RAB38: variants seen among roughly 807,000 people sequenced by gnomAD.
The protein encoded by RAB38 is RAB38, member RAS oncogene family, also known as ras-related protein Rab-38.
RAB38 carries 15 observed loss-of-function variants against 18.4 expected under a neutral mutation model. The observed-to-expected ratio is 0.82, with a 90% confidence interval of 0.55 to 1.26. The LOEUF (loss-of-function observed/expected upper bound fraction) is 1.26. Ranked by LOEUF, RAB38 falls within the 50% of genes most tolerant of loss-of-function variation. RAB38 has a pLI of 0.00. For synonymous variants in RAB38, 101 were observed against 104.4 expected (o/e 0.97, Z 0.20); for missense variants, 294 against 267.4 (o/e 1.10, Z -0.69).
At chr11:87,852,684 G>C in the RAB38 span, among the ~76,000 whole-genome samples, 1 of 151,974 alleles carries the variant, frequency 6.6e-6, no homozygotes, top group African/African-American at 2.4e-5. Context: ...CTTCATCACA[G>C]GATTAAAACT....
At chr11:87,834,645 CA>C in the RAB38 span, among the ~76,000 whole-genome samples, 1 of 152,046 alleles carries the variant, frequency 6.6e-6, no homozygotes, top group Non-Finnish European at 1.5e-5. Flanking sequence ...ATTTAGAGCT[CA>C]AAAGTTCTTT....
chr11:87,857,547 G>A, the RAB38 span, among the ~76,000 whole-genome samples: 43 of 152,096 alleles, frequency 2.8e-4, no homozygotes, highest in African/African-American at 9.2e-4. Context: ...CTTTTTAATG[G>A]TCACCATTCT....
At chr11:87,861,263 G>T in the RAB38 span, among the ~76,000 whole-genome samples, 3 of 151,902 alleles carry the variant, frequency 2.0e-5, no homozygotes, top group Non-Finnish European at 2.9e-5. Flanking sequence ...GTTGGTTCAG[G>T]TTACACAGTT....
the RAB38 span, chr11:88,061,707 CA>C: frequency 2.0e-5 from 3 of 151,850 alleles, no homozygotes; most frequent in Non-Finnish European, 4.4e-5. Flanking sequence ...GAACTCGGTT[CA>C]GCACAGGTGT....
At chr11:88,047,073 C>G in the RAB38 span, among the ~76,000 whole-genome samples, 31 of 152,178 alleles carry the variant, frequency 2.0e-4, no homozygotes, top group South Asian at 5.2e-3. Context: ...TTTTAGAGGC[C>G]CTTAAAATCA....
At chr11:88,039,078 A>G in the RAB38 span, among the ~76,000 whole-genome samples, 1 of 152,176 alleles carries the variant, frequency 6.6e-6, no homozygotes, top group Non-Finnish European at 1.5e-5. Flanking sequence ...AATGGCAGTG[A>G]ATACTTGAGC....
chr11:87,964,302 G>A, the RAB38 span, among the ~76,000 whole-genome samples: 3 of 152,126 alleles, frequency 2.0e-5, no homozygotes, highest in African/African-American at 4.8e-5. Context: ...AGGAACTCCA[G>A]TGTGATATTC....
the RAB38 span, among the ~76,000 whole-genome samples, chr11:87,804,309 A>G: frequency 1.3e-5 from 2 of 151,834 alleles, no homozygotes; most frequent in African/African-American, 4.8e-5. Context: ...CCTAGCATTA[A>G]CTAGATCAAG....
chr11:87,871,686 T>C, the RAB38 span, among the ~76,000 whole-genome samples: 1 of 151,640 alleles, frequency 6.6e-6, no homozygotes, highest in African/African-American at 2.4e-5. Context: ...TCCTAGCTAC[T>C]ACATTTTCCC....
At chr11:88,118,486 C>T (rs1232328024) in intron 2 of RAB38, among the ~76,000 whole-genome samples, 2 of 152,200 alleles carry the variant, frequency 1.3e-5, no homozygotes, top group African/African-American at 4.8e-5. Flanking sequence ...CAAATAGACA[C>T]AGTGAAGCCC....
chr11:88,106,689 T>C, the RAB38 span, among the ~76,000 whole-genome samples: 7 of 152,294 alleles, frequency 4.6e-5, 1 homozygote, highest in East Asian at 3.9e-4. Context: ...GACTCATCAA[T>C]GCAGTGAACA....
At chr11:88,051,786 C>G in the RAB38 span, among the ~76,000 whole-genome samples, 1 of 152,038 alleles carries the variant, frequency 6.6e-6, no homozygotes, top group Non-Finnish European at 1.5e-5. Context: ...AGTATTAGAA[C>G]CATAGGAATA....
chr11:88,096,726 T>C, the RAB38 span, among the ~76,000 whole-genome samples: 1 of 151,944 alleles, frequency 6.6e-6, no homozygotes, highest in Non-Finnish European at 1.5e-5. Context: ...CAGTGTGTTT[T>C]TATTAAAATG....
the RAB38 span, among the ~76,000 whole-genome samples, chr11:87,942,834 GTCATAA>G: frequency 6.6e-6 from 1 of 152,132 alleles, no homozygotes; most frequent in African/African-American, 2.4e-5. Context: ...AGATGATTCT[GTCATAA>G]TCATTCTCGC....
At chr11:87,836,660 C>T in the RAB38 span, among the ~76,000 whole-genome samples, 1 of 152,074 alleles carries the variant, frequency 6.6e-6, no homozygotes, top group Admixed American at 6.6e-5. Context: ...CATTTAAATC[C>T]TTCACTGGTT....
chr11:88,154,600 G>A (rs1284208477), intron 1 of RAB38, among the ~76,000 whole-genome samples: 2 of 152,182 alleles, frequency 1.3e-5, no homozygotes, highest in East Asian at 3.9e-4. Flanking sequence ...CCAGCAGCCT[G>A]AGCTGCCCCA....
intron 1 of RAB38, among the ~76,000 whole-genome samples, chr11:88,151,717 T>C (rs1191625705): frequency 6.6e-6 from 1 of 152,182 alleles, no homozygotes; most frequent in Non-Finnish European, 1.5e-5. Flanking sequence ...AATGGTAAGT[T>C]TTAATTCAAG....
the RAB38 span, among the ~76,000 whole-genome samples, chr11:87,890,345 C>T: frequency 3.3e-5 from 5 of 151,800 alleles, no homozygotes; most frequent in Non-Finnish European, 7.4e-5. Flanking sequence ...CCTCTGTTTC[C>T]TTCCAGAAGA....
At chr11:87,859,743 C>A in the RAB38 span, among the ~76,000 whole-genome samples, 2 of 152,026 alleles carry the variant, frequency 1.3e-5, no homozygotes, top group African/African-American at 4.8e-5. Context: ...CAGGGATTAA[C>A]AATAGGTCAA....
Sources: allele counts gnomAD v4.1 joint callset (sites outside exome capture counted in the v4.1 genomes callset), GRCh38; gene constraint gnomAD v4.1.1; transcripts MANE v1.5; gene names NCBI Gene and HGNC (gene_info 2026-07-23, HGNC 2026-07-21).